PRUNE2: variants seen among roughly 807,000 people sequenced by gnomAD.
PRUNE2 encodes prune homolog 2 with BCH domain.
PRUNE2 carries 164 observed loss-of-function variants against 252.0 expected under a neutral mutation model. The observed-to-expected ratio is 0.65, with a 90% CI of 0.57 to 0.74. The LOEUF is 0.74. Among genes scored for constraint, PRUNE2 ranks in the 30% least tolerant of loss-of-function variants. The pLI is 0.00. For missense variants in PRUNE2, 3,495 were observed against 3,711.0 expected (o/e 0.94, Z 1.51); for synonymous variants, 1,292 against 1,350.2 (o/e 0.96, Z 0.94).
At chr9:76,816,258 T>C (rs910657087) in intron 6 of PRUNE2, among the ~76,000 whole-genome samples, 2 of 152,014 alleles carry the variant, frequency 1.3e-5, no homozygotes, top group Non-Finnish European at 1.5e-5. Context: ...ACTACCTACA[T>C]ACAAATTGTA....
chr9:76,628,160 AGAC>A (rs1564365889), intron 16 of PRUNE2, among the ~76,000 whole-genome samples: 1 of 152,112 alleles, frequency 6.6e-6, no homozygotes, highest in Non-Finnish European at 1.5e-5. Flanking sequence ...ACAAAAAAAA[AGAC>A]ACACAGAAAA....
chr9:76,786,242 CAATA>C (rs1296387552), intron 6 of PRUNE2: 1 of 152,070 alleles, frequency 6.6e-6, no homozygotes, highest in African/African-American at 2.4e-5. Context: ...ATGGATAGTC[CAATA>C]AATAATGTTA....
chr9:76,689,051 C>G (rs528861024), intron 9 of PRUNE2, among the ~76,000 whole-genome samples: 14 of 152,340 alleles, frequency 9.2e-5, no homozygotes, highest in East Asian at 1.9e-4. Context: ...CAGAGCCCCA[C>G]CGTTGTGTAA....
chr9:76,767,666 C>T (rs985179125), intron 6 of PRUNE2, among the ~76,000 whole-genome samples: 7 of 152,142 alleles, frequency 4.6e-5, no homozygotes, highest in Non-Finnish European at 7.3e-5. Flanking sequence ...ACAGGAGGCA[C>T]CTTAAAGCCT....
intron 1 of PRUNE2, chr9:76,862,577 G>T (rs1354311971): frequency 6.6e-6 from 1 of 152,114 alleles, no homozygotes; most frequent in African/African-American, 2.4e-5. Flanking sequence ...ATCAAAGGCA[G>T]TCCAAGAGTT....
chr9:76,793,418 T>A (rs1373994537), intron 6 of PRUNE2, among the ~76,000 whole-genome samples: 1 of 152,158 alleles, frequency 6.6e-6, no homozygotes, highest in East Asian at 1.9e-4. Flanking sequence ...ATGAAATCGA[T>A]GTTAGTGAAT....
At chr9:76,828,136 G>C (rs1418223539) in intron 4 of PRUNE2, among the ~76,000 whole-genome samples, 1 of 152,140 alleles carries the variant, frequency 6.6e-6, no homozygotes, top group African/African-American at 2.4e-5. Flanking sequence ...TCTGAATCTA[G>C]GCCAAAATCT....
At chr9:76,764,234 AAAC>A (rs1440992777) in intron 6 of PRUNE2, among the ~76,000 whole-genome samples, 1 of 142,424 alleles carries the variant, frequency 7.0e-6, no homozygotes, top group African/African-American at 2.6e-5. Flanking sequence ...GAAAACAAAC[AAAC>A]AAATAAATAA....
At chr9:76,749,307 G>A (rs2050406906) in intron 6 of PRUNE2, among the ~76,000 whole-genome samples, 1 of 152,168 alleles carries the variant, frequency 6.6e-6, no homozygotes, top group Non-Finnish European at 1.5e-5. Context: ...TAAGGGTCCT[G>A]GAGAAAGTCA....
chr9:76,713,527 C>G lies in PRUNE2; in HGVS notation c.915+36G>C, dbSNP rs374523398. 7.0e-5 allele frequency: 111 copies of G among 1,575,270 alleles called. 4 individuals carry two copies. The highest frequency in any genetic ancestry group is 5.9e-4 in the South Asian group (49 of 83,066). On this transcript the variant is annotated intron_variant, in intron 7 of 18. Transcript: ENST00000376718. Reference sequence around the variant, plus strand: ...TGTTCTGAGAGCCAGCAGGTTAGGACAGAGGGAACATGACGGGGTCAGAGG... The same window carrying G: ...TGTTCTGAGAGCCAGCAGGTTAGGAGAGAGGGAACATGACGGGGTCAGAGG...
intron 9 of PRUNE2, among the ~76,000 whole-genome samples, chr9:76,684,358 G>A (rs1215488039): frequency 6.6e-6 from 1 of 152,098 alleles, no homozygotes; most frequent in East Asian, 1.9e-4. Context: ...CTCCCAGCAC[G>A]GTTTCTCAGA....
chr9:76,672,178 C>T (rs1456575738), intron 9 of PRUNE2, among the ~76,000 whole-genome samples: 2 of 149,944 alleles, frequency 1.3e-5, no homozygotes, highest in Non-Finnish European at 3.0e-5. Flanking sequence ...CACAGACACA[C>T]ATAGGCTCAA....
At chr9:76,636,362 A>G (rs1362353092) in intron 15 of PRUNE2, 109 bp downstream of exon 15, 3 of 682,180 alleles carry the variant, frequency 4.4e-6, no homozygotes, top group African/African-American at 1.8e-5. Context: ...AGAGACAAAT[A>G]TATTTCCCTG....
chr9:76,853,193 T>A (rs915768298), intron 2 of PRUNE2, among the ~76,000 whole-genome samples: 2 of 152,190 alleles, frequency 1.3e-5, no homozygotes, highest in Non-Finnish European at 2.9e-5. Context: ...ACCCAGCATT[T>A]TTATCAGCTT....
chr9:76,881,257 A>G (rs1349938606), intron 1 of PRUNE2, among the ~76,000 whole-genome samples: 1 of 152,014 alleles, frequency 6.6e-6, no homozygotes, highest in Non-Finnish European at 1.5e-5. Context: ...TGAGCCACCG[A>G]GCCTGGCTTC....
chr9:76,808,578 C>T (rs888277999), intron 6 of PRUNE2: 1 of 152,332 alleles, frequency 6.6e-6, no homozygotes, highest in Non-Finnish European at 1.5e-5. Context: ...CCTCTCATCA[C>T]CCAGCCTTCT....
At chr9:76,755,879 T>A (rs2051104042) in intron 6 of PRUNE2, among the ~76,000 whole-genome samples, 1 of 152,092 alleles carries the variant, frequency 6.6e-6, no homozygotes, top group Admixed American at 6.6e-5. Context: ...ATTTTTGCAT[T>A]TTTAGTAGAG....
chr9:76,848,899 CTGTTT>C (rs2059804790), intron 3 of PRUNE2, among the ~76,000 whole-genome samples: 4 of 152,020 alleles, frequency 2.6e-5, no homozygotes, highest in Admixed American at 2.6e-4. Context: ...GTTGTTTGTT[CTGTTT>C]TGTTTTTTGA....
intron 6 of PRUNE2, among the ~76,000 whole-genome samples, chr9:76,717,375 G>C (rs1440068331): frequency 6.6e-6 from 1 of 152,188 alleles, no homozygotes; most frequent in Admixed American, 6.5e-5. Flanking sequence ...TACGCAGGGA[G>C]TCATGTGCTG....
Sources: allele counts gnomAD v4.1 joint callset (sites outside exome capture counted in the v4.1 genomes callset), GRCh38; gene constraint gnomAD v4.1.1; transcripts MANE v1.5; gene names NCBI Gene and HGNC (gene_info 2026-07-23, HGNC 2026-07-21).